FLYWCH1: variants seen among roughly 807,000 people sequenced by gnomAD.
FLYWCH1 encodes the protein FLYWCH-type zinc finger 1, also known as FLYWCH-type zinc finger-containing protein 1.
In FLYWCH1, 75 loss-of-function variants were observed where a neutral mutation model predicts 66.4. That is an observed-to-expected ratio of 1.13 (90% CI 0.94 to 1.37). The LOEUF is 1.37. Among genes scored for constraint, FLYWCH1 ranks in the 40% most tolerant of loss-of-function variants. The probability of loss-of-function intolerance (pLI) is 0.00; values close to 1 mark genes in which losing one functional copy is unlikely to be tolerated. For missense variants in FLYWCH1, 1,334 were observed against 1,001.8 expected (o/e 1.33, Z -4.48); for synonymous variants, 595 against 429.9 (o/e 1.38, Z -4.75).
intron 2 of FLYWCH1, among the ~76,000 whole-genome samples, chr16:2,925,403 G>C (rs377614739): frequency 1.3e-5 from 2 of 152,066 alleles, no homozygotes; most frequent in Admixed American, 1.3e-4. Flanking sequence ...CATCCTTCCT[G>C]GTTTAGCCTC....
At chr16:2,931,654 T>G (rs1233380328) in intron 4 of FLYWCH1, among the ~76,000 whole-genome samples, 1 of 151,886 alleles carries the variant, frequency 6.6e-6, no homozygotes, top group Non-Finnish European at 1.5e-5. Context: ...TCCCATGCAA[T>G]TCTAGTGTCC....
intron 9 of FLYWCH1, among the ~76,000 whole-genome samples, chr16:2,942,961 TAAAGTGCTG>T (rs2071334677): frequency 6.6e-6 from 1 of 151,536 alleles, no homozygotes; most frequent in Non-Finnish European, 1.5e-5. Context: ...CTCGGACTCC[TAAAGTGCTG>T]GGATTACAGG....
chr16:2,930,611 C>CCGATGAG lies in FLYWCH1; in HGVS notation c.529_535dup (p.Gln179ArgfsTer2), dbSNP rs1397123050. 7 of 1,551,766 alleles carry CCGATGAG rather than the reference C, an allele frequency of 4.5e-6. No homozygotes were observed. Among genetic ancestry groups the CCGATGAG allele is most frequent in the Admixed American group, 3.9e-5 (2 of 51,030 alleles). On this transcript the variant is annotated frameshift_variant, in exon 4 of 10. Coordinates refer to ENST00000253928, the MANE Select transcript of FLYWCH1 (RefSeq NM_001308068.2). LOFTEE classifies it high-confidence loss of function. ...GTGATGCGGGGCCACTGCCACGCGCCCGATGAGCAAGGCCTGGAGGCCCGG... is the reference window on the plus strand; with the variant it reads ...GTGATGCGGGGCCACTGCCACGCGCCCGATGAGCGATGAGCAAGGCCTGGAGGCCCGG...
intron 9 of FLYWCH1, among the ~76,000 whole-genome samples, chr16:2,943,883 G>A (rs1485161645): frequency 6.6e-6 from 1 of 152,078 alleles, no homozygotes; most frequent in Admixed American, 6.6e-5. Flanking sequence ...GTTGCAGTGA[G>A]CCAAGATCAC....
intron 1 of FLYWCH1, among the ~76,000 whole-genome samples, chr16:2,913,644 G>C (rs889047938): frequency 6.6e-6 from 1 of 152,148 alleles, no homozygotes; most frequent in African/African-American, 2.4e-5. Flanking sequence ...AATGCCAACG[G>C]TGCTGAGATT....
At chr16:2,941,995 C>CA (rs748281347) in intron 9 of FLYWCH1, among the ~76,000 whole-genome samples, 637 of 33,600 alleles carry the variant, frequency 0.019, 70 homozygotes, top group Middle Eastern at 0.026. Flanking sequence ...AGACTCATCT[C>CA]AAAAAAAAAA....
chr16:2,932,269 TCAA>T (rs1306303435), intron 4 of FLYWCH1, among the ~76,000 whole-genome samples: 4 of 63,678 alleles, frequency 6.3e-5, no homozygotes, highest in East Asian at 4.6e-4. Flanking sequence ...GGACCCTGTC[TCAA>T]AAAAAAAAAA....
At chr16:2,928,522 T>C (rs1200907146) in intron 2 of FLYWCH1, among the ~76,000 whole-genome samples, 1 of 152,260 alleles carries the variant, frequency 6.6e-6, no homozygotes, top group Non-Finnish European at 1.5e-5. Flanking sequence ...ACAAGGCACA[T>C]CCTGCACAGC....
In FLYWCH1 at chr16:2,929,830, G is replaced by A. The variant is rs773975965; in HGVS notation, c.145G>A (p.Asp49Asn). The A allele has an allele frequency of 5.6e-6, 9 of 1,613,816 alleles. No homozygotes were observed. Among genetic ancestry groups the A allele is most frequent in the East Asian group, 2.2e-5 (1 of 44,896 alleles). Residue 49 changes from aspartate to asparagine, a missense_variant, in exon 3 of 10, where the codon GAC becomes AAC. Physicochemically the swap from Asp to Asn is conservative, Grantham distance 23. Transcript: ENST00000253928. The part of the protein sequence containing the change: ...FSKLVLLTAS[D>N]QDEDGVGSKP... ...CAAACTGGTGCTGCTCACAGCCTCCGACCAAGATGAGGATGGGGTGGGATC... is the reference window on the plus strand; with the variant it reads ...CAAACTGGTGCTGCTCACAGCCTCCAACCAAGATGAGGATGGGGTGGGATC...
intron 9 of FLYWCH1, among the ~76,000 whole-genome samples, chr16:2,941,879 G>C (rs1567351325): frequency 6.6e-6 from 1 of 151,308 alleles, no homozygotes; most frequent in Admixed American, 6.6e-5. Context: ...AAATTAGCCA[G>C]GCGTGGTGGT....
At chr16:2,924,154 C>T (rs2070474421) in intron 2 of FLYWCH1, among the ~76,000 whole-genome samples, 1 of 152,014 alleles carries the variant, frequency 6.6e-6, no homozygotes, top group African/African-American at 2.4e-5. Context: ...CACGGTGAAA[C>T]CCCGTCTCTA....
intron 6 of FLYWCH1, chr16:2,934,885 C>G (rs1596381621): frequency 7.9e-6 from 2 of 251,808 alleles, no homozygotes; most frequent in East Asian, 2.8e-4. Flanking sequence ...TTTTCCATTT[C>G]CTTGTCAGCT....
rs374582184 is a variant in FLYWCH1 at position 2,929,719 on chromosome 16, G to T, written c.34G>T (p.Glu12Ter). 7 of 1,613,240 alleles carry T rather than the reference G, an allele frequency of 4.3e-6. No individual in the cohort carries two copies. Among genetic ancestry groups the T allele is most frequent in the African/African-American group, 4.0e-5 (3 of 74,916 alleles). ...GCCCGAGCCCAGCGAGCAGGAGGGC[G>T]AGAGTGTGAAGGCCGGCCAGGAGCC... ...PLPEPSEQEG[E>*]SVKAGQEPSP... is the part of the protein sequence containing the mutation. Residue 12 changes from glutamate to a stop codon, truncating the protein, a stop_gained, in exon 3 of 10, where the codon GAG becomes TAG. Transcript: ENST00000253928. LOFTEE classifies it high-confidence loss of function.
At chr16:2,934,919 CTT>C (rs59963690) in intron 6 of FLYWCH1, 38,266 of 144,490 alleles carry the variant, frequency 0.26, 6,477 homozygotes, top group African/African-American at 0.5. Context: ...CTTGCACAGG[CTT>C]TTTTTTTTTT....
At chr16:2,928,045 G>T (rs1022684571) in intron 2 of FLYWCH1, among the ~76,000 whole-genome samples, 2 of 152,238 alleles carry the variant, frequency 1.3e-5, no homozygotes. Flanking sequence ...AAGGTACTGT[G>T]TCTGGATGTG....
At chr16:2,930,152 A>C (rs1015235056) in intron 3 of FLYWCH1, 142 bp downstream of exon 3, 2 of 786,970 alleles carry the variant, frequency 2.5e-6, no homozygotes, top group Admixed American at 2.8e-5. Flanking sequence ...AGCGTGTCCG[A>C]GGCTGGTGGG....
At chr16:2,920,282 G>A (rs768546531) in intron 2 of FLYWCH1, among the ~76,000 whole-genome samples, 2 of 152,034 alleles carry the variant, frequency 1.3e-5, no homozygotes, top group Non-Finnish European at 2.9e-5. Context: ...TTAGGAGGCA[G>A]GTAGGTAACT....
chr16:2,930,192 GGGAGTTGCA>G (rs2070711588), intron 3 of FLYWCH1, among the ~76,000 whole-genome samples, 182 bp downstream of exon 3: 1 of 152,176 alleles, frequency 6.6e-6, no homozygotes, highest in African/African-American at 2.4e-5. Context: ...AGGAGCTCCT[GGGAGTTGCA>G]GTGACGTGCA....
chr16:2,924,048 C>T (rs760877014), intron 2 of FLYWCH1, among the ~76,000 whole-genome samples: 1 of 151,968 alleles, frequency 6.6e-6, no homozygotes, highest in South Asian at 2.1e-4. Flanking sequence ...AGGTAAAAAG[C>T]TGGCCGGCAC....
Sources: allele counts gnomAD v4.1 joint callset (sites outside exome capture counted in the v4.1 genomes callset), GRCh38; gene constraint gnomAD v4.1.1; transcripts MANE v1.5; gene names NCBI Gene and HGNC (gene_info 2026-07-23, HGNC 2026-07-21).